IGF2BP2: variants seen among roughly 807,000 people sequenced by gnomAD.
IGF2BP2 encodes insulin like growth factor 2 mRNA binding protein 2.
In IGF2BP2, 17 loss-of-function variants were observed where a neutral mutation model predicts 75.8. The observed-to-expected ratio is 0.22, with a 90% CI of 0.15 to 0.34. The LOEUF is 0.34. Among genes scored for constraint, IGF2BP2 ranks in the 10% least tolerant of loss-of-function variants. IGF2BP2 has a pLI of 1.00. For missense variants in IGF2BP2, 516 were observed against 772.4 expected (o/e 0.67, Z 3.93); for synonymous variants, 288 against 295.6 (o/e 0.97, Z 0.26).
chr3:185,821,835 T>G (rs1370480952), intron 2 of IGF2BP2, among the ~76,000 whole-genome samples: 1 of 152,154 alleles, frequency 6.6e-6, no homozygotes, highest in East Asian at 1.9e-4. Context: ...ATCAGAAAGC[T>G]TCAACTTGGA....
chr3:185,717,031 T>C, intron 2 of IGF2BP2: 1 of 334,272 alleles, frequency 3.0e-6, no homozygotes, highest in Non-Finnish European at 5.9e-6. Context: ...GTGGCTGCCC[T>C]TATGCCCATG....
intron 2 of IGF2BP2, among the ~76,000 whole-genome samples, chr3:185,759,911 C>A (rs914029230): frequency 6.6e-5 from 10 of 152,202 alleles, no homozygotes; most frequent in African/African-American, 2.4e-4. Context: ...CCGGCTTTAA[C>A]AGTTACCAAC....
intron 12 of IGF2BP2, among the ~76,000 whole-genome samples, chr3:185,653,121 G>A (rs979190423): frequency 6.6e-6 from 1 of 151,984 alleles, no homozygotes; most frequent in Admixed American, 6.6e-5. Flanking sequence ...GAGCCACTGC[G>A]CCCAGCTTCC....
At chr3:185,773,924 T>C (rs1447770160) in intron 2 of IGF2BP2, among the ~76,000 whole-genome samples, 2 of 152,200 alleles carry the variant, frequency 1.3e-5, no homozygotes, top group Non-Finnish European at 2.9e-5. Flanking sequence ...GACAAATACT[T>C]TCTCAGCTCC....
chr3:185,802,755 C>G (rs1309997799), intron 2 of IGF2BP2, among the ~76,000 whole-genome samples: 1 of 152,154 alleles, frequency 6.6e-6, no homozygotes. Context: ...AAGTTTAGGT[C>G]TCTAAAAACC....
At chr3:185,732,430 G>T (rs1266886103) in intron 2 of IGF2BP2, among the ~76,000 whole-genome samples, 2 of 152,194 alleles carry the variant, frequency 1.3e-5, no homozygotes, top group East Asian at 3.9e-4. Context: ...GTATTTCTCA[G>T]TATGATAAAC....
chr3:185,730,195 G>C (rs1727954720), intron 2 of IGF2BP2, among the ~76,000 whole-genome samples: 1 of 152,066 alleles, frequency 6.6e-6, no homozygotes, highest in Non-Finnish European at 1.5e-5. Context: ...CCACTGCTTA[G>C]CTCCCACTAT....
At chr3:185,776,486 C>T (rs939882915) in intron 2 of IGF2BP2, among the ~76,000 whole-genome samples, 1 of 152,094 alleles carries the variant, frequency 6.6e-6, no homozygotes, top group Admixed American at 6.5e-5. Flanking sequence ...CAACTGAGAT[C>T]CAGGCAGAGA....
At chr3:185,804,255 C>CA (rs71164543) in intron 2 of IGF2BP2, among the ~76,000 whole-genome samples, 963 of 89,456 alleles carry the variant, frequency 0.011, 18 homozygotes, top group East Asian at 0.072. Context: ...GACTACGTCT[C>CA]AAAAAAAAAA....
At chr3:185,687,029 G>A (rs1167853092) in intron 7 of IGF2BP2, 28 bp downstream of exon 7, 1 of 1,601,848 alleles carries the variant, frequency 6.2e-7, no homozygotes, top group Non-Finnish European at 8.5e-7. Flanking sequence ...TCTCTGTTGA[G>A]TGATCTGGGC....
chr3:185,673,309 T>G (rs923580265), intron 9 of IGF2BP2, among the ~76,000 whole-genome samples: 6 of 152,220 alleles, frequency 3.9e-5, no homozygotes, highest in African/African-American at 1.4e-4. Flanking sequence ...ATATAGTAAG[T>G]ACTCAATAAA....
At chr3:185,683,944 C>T (rs564851193) in intron 7 of IGF2BP2, among the ~76,000 whole-genome samples, 2 of 152,242 alleles carry the variant, frequency 1.3e-5, no homozygotes, top group Non-Finnish European at 2.9e-5. Context: ...GACCTTGGAG[C>T]CGTGTGCCTT....
At chr3:185,657,434 T>C in intron 11 of IGF2BP2, 32 bp from the exon 12 acceptor site, 4 of 1,533,920 alleles carry the variant, frequency 2.6e-6, no homozygotes, top group Non-Finnish European at 3.6e-6. Flanking sequence ...GAAGACATCA[T>C]TCCAACCAGG....
intron 10 of IGF2BP2, among the ~76,000 whole-genome samples, chr3:185,666,766 A>G (rs2149176588): frequency 6.6e-6 from 1 of 152,284 alleles, no homozygotes. Context: ...AATTAAGTGG[A>G]AAAAAATGTG....
At chr3:185,674,476 C>T (rs1023426101) in intron 9 of IGF2BP2, among the ~76,000 whole-genome samples, 10 of 151,934 alleles carry the variant, frequency 6.6e-5, no homozygotes, top group East Asian at 3.8e-4. Flanking sequence ...TTTTGAATGC[C>T]GGATCAGTGT....
At chr3:185,689,758 G>A (rs1721674746) in intron 5 of IGF2BP2, 131 bp from the exon 6 acceptor site, 1 of 966,844 alleles carries the variant, frequency 1.0e-6, no homozygotes, top group African/African-American at 1.6e-5. Flanking sequence ...CACGAGGTCA[G>A]GAGATCGAGA....
intron 2 of IGF2BP2, among the ~76,000 whole-genome samples, chr3:185,784,744 TG>T (rs2149818567): frequency 6.6e-6 from 1 of 152,238 alleles, no homozygotes; most frequent in South Asian, 2.1e-4. Context: ...AAAGAAAAAT[TG>T]TAAGGAGAAC....
chr3:185,777,820 T>C (rs150840193), intron 2 of IGF2BP2, among the ~76,000 whole-genome samples: 2,857 of 152,196 alleles, frequency 0.019, 96 homozygotes, highest in African/African-American at 0.065. Context: ...GGCAGGCAGA[T>C]CTCCTGAGGT....
intron 15 of IGF2BP2, 95 bp downstream of exon 15, chr3:185,646,930 G>T: frequency 3.4e-6 from 3 of 895,496 alleles, no homozygotes; most frequent in Non-Finnish European, 5.6e-6. Flanking sequence ...GTGGATTGAT[G>T]CTCAGGGCCT....
Sources: allele counts gnomAD v4.1 joint callset (sites outside exome capture counted in the v4.1 genomes callset), GRCh38; gene constraint gnomAD v4.1.1; transcripts MANE v1.5; gene names NCBI Gene and HGNC (gene_info 2026-07-23, HGNC 2026-07-21).